Variants in GALNT17 observed in about 807,000 individuals in gnomAD.
GALNT17 encodes UDP-GalNAc:polypeptide N-acetylgalactosaminyltransferase-like 3.
A neutral mutation model predicts 63.7 loss-of-function variants in GALNT17; 29 were observed. The ratio of observed to expected loss-of-function variants is 0.46; its 90% CI spans 0.34 to 0.62. The LOEUF is 0.62. GALNT17 is among the 20% of genes least tolerant of loss of function. The pLI is 0.01. For synonymous variants in GALNT17, 305 were observed against 318.3 expected, an observed-to-expected ratio of 0.96 and a Z score of 0.45; for missense variants, 603 against 799.6, an observed-to-expected ratio of 0.75 and a Z score of 2.97.
chr7:71,594,239 A>T (rs367606436), intron 6 of GALNT17, among the ~76,000 whole-genome samples: 1 of 152,154 alleles, frequency 6.6e-6, no homozygotes, highest in South Asian at 2.1e-4. Flanking sequence ...GGTTTGCTCT[A>T]TGTGACTGGA....
At chr7:71,212,956 T>C (rs1218837698) in intron 1 of GALNT17, among the ~76,000 whole-genome samples, 1 of 152,196 alleles carries the variant, frequency 6.6e-6, no homozygotes, top group Non-Finnish European at 1.5e-5. Context: ...TGTGGACTTT[T>C]AGGTTAATGC....
chr7:71,301,346 A>T (rs1042778328), intron 1 of GALNT17, among the ~76,000 whole-genome samples: 2 of 147,502 alleles, frequency 1.4e-5, no homozygotes, highest in African/African-American at 4.9e-5. Flanking sequence ...TATTATATTA[A>T]AATATATATT....
At chr7:71,305,133 A>T (rs573678735) in intron 1 of GALNT17, among the ~76,000 whole-genome samples, 1 of 152,358 alleles carries the variant, frequency 6.6e-6, no homozygotes, top group South Asian at 2.1e-4. Context: ...AGATATAGTT[A>T]TGGATATATA....
chr7:71,582,418 CAAA>C (rs551430762), intron 6 of GALNT17, among the ~76,000 whole-genome samples: 164 of 116,884 alleles, frequency 1.4e-3, no homozygotes, highest in African/African-American at 4.6e-3. Flanking sequence ...ATTAAAAATA[CAAA>C]AAAAAAAAAA....
intron 6 of GALNT17, among the ~76,000 whole-genome samples, chr7:71,614,545 A>T (rs1790170108): frequency 6.6e-6 from 1 of 152,104 alleles, no homozygotes; most frequent in East Asian, 2.0e-4. Context: ...GCTTGAGCCC[A>T]GGAGTTCAAA....
intron 2 of GALNT17, among the ~76,000 whole-genome samples, chr7:71,377,899 T>C (rs1387893989): frequency 6.6e-6 from 1 of 152,212 alleles, no homozygotes; most frequent in Non-Finnish European, 1.5e-5. Flanking sequence ...TGATTGTAAG[T>C]TTCCTGAGGC....
At chr7:71,392,507 T>C (rs1279753372) in intron 3 of GALNT17, among the ~76,000 whole-genome samples, 3 of 152,154 alleles carry the variant, frequency 2.0e-5, no homozygotes, top group Non-Finnish European at 4.4e-5. Flanking sequence ...AGGCTGAAAA[T>C]GTGCATTTCT....
chr7:71,172,440 A>G (rs1213641843), intron 1 of GALNT17, among the ~76,000 whole-genome samples: 4 of 150,870 alleles, frequency 2.7e-5, no homozygotes, highest in Non-Finnish European at 5.9e-5. Context: ...AGCCCGGGTG[A>G]CAGACACTCT....
At chr7:71,566,510 G>A (rs980664955) in intron 5 of GALNT17, among the ~76,000 whole-genome samples, 8 of 152,030 alleles carry the variant, frequency 5.3e-5, no homozygotes, top group African/African-American at 1.7e-4. Flanking sequence ...AGCTAACGCC[G>A]AGGACATCTC....
intron 1 of GALNT17, among the ~76,000 whole-genome samples, chr7:71,305,006 C>T (rs1458712755): frequency 6.6e-6 from 1 of 152,212 alleles, no homozygotes; most frequent in Admixed American, 6.5e-5. Context: ...GCTGGGATTA[C>T]AGGCGTGAGC....
At position 71,506,086 on chromosome 7, in the gene GALNT17, G is replaced by A. The variant is rs539538743; in HGVS notation, c.963-65199G>A. Among the ~76,000 whole-genome samples the A allele has an allele frequency of 2.0e-5, 3 of 152,194 alleles. No homozygotes were observed. The South Asian group carries it at 6.2e-4, about 32-fold the overall frequency. On this transcript the variant is annotated intron_variant, in intron 5 of 10. Transcript: ENST00000333538. ...AATACCTAGTAGTAGTGGCATTGGT[G>A]GGTGGTATGGTAGTTCTGACCATTA...
At chr7:71,612,060 T>C (rs1790133760) in intron 6 of GALNT17, among the ~76,000 whole-genome samples, 1 of 152,196 alleles carries the variant, frequency 6.6e-6, no homozygotes, top group Non-Finnish European at 1.5e-5. Context: ...TCTTTGTTCT[T>C]TTTGTTCTTG....
chr7:71,358,924 C>A (rs1792343871), intron 2 of GALNT17, among the ~76,000 whole-genome samples: 1 of 152,108 alleles, frequency 6.6e-6, no homozygotes, highest in Non-Finnish European at 1.5e-5. Context: ...CAGGCGCCCA[C>A]CACCACATCC....
At chr7:71,643,044 A>G (rs1469914988) in intron 6 of GALNT17, among the ~76,000 whole-genome samples, 14 of 152,220 alleles carry the variant, frequency 9.2e-5, no homozygotes, top group Admixed American at 9.2e-4. Context: ...ACAGTCACAC[A>G]TGATGAACTT....
chr7:71,258,172 C>T (rs756961489), intron 1 of GALNT17, among the ~76,000 whole-genome samples: 14 of 152,182 alleles, frequency 9.2e-5, no homozygotes, highest in Admixed American at 3.3e-4. Flanking sequence ...GAGAATTCCT[C>T]CTGGGTATAG....
Position 71,159,279 on chromosome 7 carries a change from G to A in GALNT17, c.238+26239G>A, listed in dbSNP as rs149043613. On this transcript the variant is annotated intron_variant, in intron 1 of 10. Coordinates refer to ENST00000333538, the MANE Select transcript of GALNT17 (RefSeq NM_022479.3). ...TCTTAGGAAAGTGATGTGTCGTTTC[G>A]CAGTTCCTAAAAACGTTGAGAGGTT... 2.2e-3 allele frequency among the ~76,000 whole-genome samples: 339 copies of A among 151,608 alleles called. 5 individuals are homozygous for A. Among genetic ancestry groups the A allele is most frequent in the Middle Eastern group, 0.017 (5 of 292 alleles).
chr7:71,218,736 G>C (rs975195554), intron 1 of GALNT17, among the ~76,000 whole-genome samples: 1 of 152,028 alleles, frequency 6.6e-6, no homozygotes, highest in Admixed American at 6.6e-5. Context: ...TCTCATAGGA[G>C]TGTGAAACCT....
intron 3 of GALNT17, among the ~76,000 whole-genome samples, chr7:71,389,786 T>C (rs868600114): frequency 1.3e-5 from 2 of 152,208 alleles, no homozygotes; most frequent in Non-Finnish European, 2.9e-5. Flanking sequence ...GGAATTCTCC[T>C]CTGGGCCACT....
intron 2 of GALNT17, among the ~76,000 whole-genome samples, chr7:71,349,798 C>G (rs1253665114): frequency 6.6e-6 from 1 of 152,116 alleles, no homozygotes; most frequent in African/African-American, 2.4e-5. Context: ...ATATTGAGCT[C>G]TCTGTAGCTC....
Sources: allele counts gnomAD v4.1 joint callset (sites outside exome capture counted in the v4.1 genomes callset), GRCh38; gene constraint gnomAD v4.1.1; transcripts MANE v1.5; gene names NCBI Gene and HGNC (gene_info 2026-07-23, HGNC 2026-07-21).